ABCA2: variants seen among roughly 807,000 people sequenced by gnomAD.
The protein encoded by ABCA2 is ATP binding cassette subfamily A member 2.
ABCA2 carries 84 observed loss-of-function variants against 262.8 expected under a neutral mutation model. The observed-to-expected ratio is 0.32, with a 90% confidence interval of 0.27 to 0.38. The LOEUF is 0.38. Among genes scored for constraint, ABCA2 ranks in the 10% least tolerant of loss-of-function variants. The pLI is 1.00. For missense variants in ABCA2, 2,662 were observed against 3,405.9 expected, an observed-to-expected ratio of 0.78 and a Z score of 5.44; for synonymous variants, 1,696 against 1,502.9, an observed-to-expected ratio of 1.13 and a Z score of -2.97.
Position 137,016,967 on chromosome 9 carries a change from G to A in ABCA2, c.2711C>T (p.Ala904Val). Residue 904 changes from alanine (A) to valine (V), a missense_variant, in exon 19 of 49, where the codon GCC becomes GTC. Transcript: ENST00000341511. Reference protein sequence around the residue: ...LLAVTMLMVDAVVYGILTWYI... With the variant: ...LLAVTMLMVDVVVYGILTWYI... ...CCACGTGAGGATGCCATAGACCACG[G>A]CGTCCACCATCAGCATGGTGACAGC... 1 of 1,612,744 alleles carries A rather than the reference G, an allele frequency of 6.2e-7. No homozygotes were observed. The highest frequency in any genetic ancestry group is 8.5e-7 in the Non-Finnish European group (1 of 1,179,990).
rs1233870167 is a variant in ABCA2 at position 137,017,305 on chromosome 9, G to A, written c.2444C>T (p.Ser815Leu). Residue 815 changes from serine (S) to leucine (L), a missense_variant, in exon 18 of 49, where the codon TCG becomes TTG. Around this residue, in one of 12 missense-constraint regions of ABCA2, gnomAD observed 188 missense variants for 343.4 expected, o/e 0.55. Coordinates refer to ENST00000341511, the MANE Select transcript of ABCA2 (RefSeq NM_001606.5). Reference sequence around the variant, plus strand: ...GAAGTAGATGATGCCACCGCAGGCCGAGGCCAGCTTGGCCTTGGAGTACAG... The same window carrying A: ...GAAGTAGATGATGCCACCGCAGGCCAAGGCCAGCTTGGCCTTGGAGTACAG... ...SVLYSKAKLA[S>L]ACGGIIYFLS... 2.5e-6 allele frequency: 4 copies of A among 1,612,554 alleles called. No homozygotes were observed. The highest frequency in any genetic ancestry group is 1.1e-5 in the South Asian group (1 of 91,090).
At position 137,009,594 on chromosome 9, in the gene ABCA2, G is replaced by C. The variant is rs202176127; in HGVS notation, c.6681C>G (p.Asn2227Lys). Residue 2227 changes from asparagine to lysine, a missense_variant, in exon 44 of 49, where the codon AAC becomes AAG. Coordinates refer to ENST00000341511, the MANE Select transcript of ABCA2 (RefSeq NM_001606.5). ...CTGTCTTGATGAGGTCAAGGATGAG[G>C]TTCCAGAGGAAGCGCCGGGCCTTGG... Reference protein sequence around the residue: ...MDPKARRFLWNLILDLIKTGR... With the variant: ...MDPKARRFLWKLILDLIKTGR... 1.2e-6 allele frequency: 2 copies of C among 1,612,980 alleles called. No individual in the cohort carries two copies. Among genetic ancestry groups the C allele is most frequent in the Non-Finnish European group, 1.7e-6 (2 of 1,179,916 alleles).
chr9:137,019,153 C>T lies in ABCA2; in HGVS notation c.1554+25G>A. On this transcript the variant is annotated intron_variant, in intron 11 of 48. Transcript: ENST00000341511. This position sits in a 1 kb window ranked among gnomAD's most constrained non-coding sequence, Gnocchi z 4.4. ...GGGCTCCCCACACCACCCACAGCCG[C>T]CTCCCTCGCGGGCACCCTTGGCACC... The T allele has an allele frequency of 6.2e-7, 1 of 1,606,700 alleles. No homozygotes were observed.
chr9:137,024,641 C>T (rs1305484164), intron 1 of ABCA2, among the ~76,000 whole-genome samples: 1 of 152,192 alleles, frequency 6.6e-6, no homozygotes, highest in African/African-American at 2.4e-5. Context: ...CCCACACTGC[C>T]CCGGGTTCAC....
chr9:137,014,127 C>T, intron 27 of ABCA2, 41 bp downstream of exon 27: 1 of 1,593,656 alleles, frequency 6.3e-7, no homozygotes. Context: ...CAACCCTGCT[C>T]CCCCTCCCTT....
In ABCA2 at chr9:137,018,291, C is replaced by A; in HGVS notation, c.1880G>T (p.Arg627Leu). 1.2e-6 allele frequency: 2 copies of A among 1,603,424 alleles called. No homozygotes were observed. The highest frequency in any genetic ancestry group is 1.7e-6 in the Non-Finnish European group (2 of 1,176,460). Residue 627 changes from arginine to leucine, a missense_variant, in exon 14 of 49, where the codon CGC becomes CTC. Physicochemically the swap from Arg to Leu is moderately radical, Grantham distance 102 (BLOSUM62 -2). This residue lies in a region of ABCA2 where 187 missense variants were observed against 205.9 expected (regional missense o/e 0.91). Coordinates refer to ENST00000341511, the MANE Select transcript of ABCA2 (RefSeq NM_001606.5). ...TTTCTCGGTGAAGCTGGAGTTCTGG[C>A]GGATCTTGTAGTGCACGTGAGGCGG... is the stretch of plus-strand genomic sequence containing the variant. ...SLPPHVHYKIRQNSSFTEKTN... is the reference protein window; with the variant it reads ...SLPPHVHYKILQNSSFTEKTN...
At chr9:137,025,640 A>G (rs1831629864) in intron 1 of ABCA2, among the ~76,000 whole-genome samples, 1 of 152,222 alleles carries the variant, frequency 6.6e-6, no homozygotes, top group African/African-American at 2.4e-5. Flanking sequence ...GGGTTCGCCA[A>G]GGCACTGTGG....
chr9:137,008,802 T>C lies in ABCA2; in HGVS notation c.6997A>G (p.Ser2333Gly), dbSNP rs2131424527. 1.2e-6 allele frequency: 2 copies of C among 1,604,904 alleles called. No individual in the cohort carries two copies. The highest frequency in any genetic ancestry group is 8.5e-7 in the Non-Finnish European group (1 of 1,178,532). Reference sequence around the variant, plus strand: ...ACGCCAGACACCTGCTCCATCTTGCTGAACACCTGGGCCAGCGAGATGTGC... The same window carrying C: ...ACGCCAGACACCTGCTCCATCTTGCCGAACACCTGGGCCAGCGAGATGTGC... Reference protein sequence around the residue: ...SEHISLAQVFSKMEQVSGVLG... With the variant: ...SEHISLAQVFGKMEQVSGVLG... The change falls in exon 47 of 49, where the codon AGC becomes GGC. Residue 2333 changes from serine (S) to glycine (G), a missense_variant. Ser to Gly is a moderately conservative substitution (Grantham distance 56). Around this residue, in one of 12 missense-constraint regions of ABCA2, gnomAD observed 212 missense variants for 214.4 expected, o/e 0.99. Coordinates refer to ENST00000341511, the MANE Select transcript of ABCA2 (RefSeq NM_001606.5).
chr9:137,020,279 T>C, intron 10 of ABCA2, 57 bp downstream of exon 10: 1 of 1,600,848 alleles, frequency 6.2e-7, no homozygotes, highest in Non-Finnish European at 8.5e-7. Context: ...GTCCCAGGCC[T>C]GCAGAGACCC....
chr9:137,017,388 G>A (rs775728197), intron 17 of ABCA2, 42 bp from the exon 18 acceptor site: 4 of 1,608,848 alleles, frequency 2.5e-6, no homozygotes, highest in Admixed American at 1.7e-5. Context: ...CCACCCGCAC[G>A]CCCGGCCTCC....
intron 22 of ABCA2, 26 bp downstream of exon 22, chr9:137,015,936 C>T: frequency 2.2e-6 from 1 of 454,722 alleles, no homozygotes; most frequent in Non-Finnish European, 4.0e-6. Flanking sequence ...CGCCCACCTG[C>T]CCCGCCCCCC....
At position 137,019,057 on chromosome 9, in the gene ABCA2, A is replaced by G. The variant is rs1831363840; in HGVS notation, c.1568T>C (p.Leu523Pro). The G allele has an allele frequency of 6.2e-7, 1 of 1,611,088 alleles. No homozygotes were observed. Among genetic ancestry groups the G allele is most frequent in the Non-Finnish European group, 8.5e-7 (1 of 1,178,694 alleles). Reference sequence around the variant, plus strand: ...GTTCAGTGCCTCGGGGTGCAGCCGCAGCTCTGCTACATACTTGGGGTGGAG... The same window carrying G: ...GTTCAGTGCCTCGGGGTGCAGCCGCGGCTCTGCTACATACTTGGGGTGGAG... Reference protein sequence around the residue: ...LRWLQQYVAELRLHPEALNLS... With the variant: ...LRWLQQYVAEPRLHPEALNLS... The change falls in exon 12 of 49, where the codon CTG (leucine) becomes CCG (proline). Residue 523 changes from leucine (L) to proline (P), a missense_variant. By Grantham distance (98) the Leu-to-Pro change is moderately conservative (BLOSUM62 -3). Coordinates refer to ENST00000341511, the MANE Select transcript of ABCA2 (RefSeq NM_001606.5). The surrounding 1 kb of genome is among the most constrained non-coding windows in gnomAD (Gnocchi z 4.4).
Position 137,015,758 on chromosome 9 carries a change from G to A in ABCA2, c.3431C>T (p.Ala1144Val). 1.9e-6 allele frequency: 3 copies of A among 1,612,332 alleles called. No individual in the cohort carries two copies. The highest frequency in any genetic ancestry group is 1.3e-5 in the African/African-American group (1 of 75,054). ...CGCCGTGGGCTCGTCCAGGATGATG[G>A]CGCGAGAGCCGCCCACGAAGGCGAT... ...VAIAFVGGSR[A>V]IILDEPTAGV... The change falls in exon 23 of 49, where the codon GCC (alanine) becomes GTC (valine). Residue 1144 changes from alanine to valine, a missense_variant. By Grantham distance (64) the Ala-to-Val change is moderately conservative. This residue lies in a region of ABCA2 where 180 missense variants were observed against 307.3 expected (regional missense o/e 0.59). Coordinates refer to ENST00000341511, the MANE Select transcript of ABCA2 (RefSeq NM_001606.5).
rs775011038 is a variant in ABCA2 at position 137,019,301 on chromosome 9, G to A, written c.1431C>T (p.Asn477=). ...CGTTGCCCACAAAAGCAAAAGTCTC[G>A]TTGGCCTGCAGGGGGTGAGGCAGGG... ...SEVDRVILKA[N]ETFAFVGNVT... The change falls in exon 11 of 49, where the codon AAC becomes AAT. Residue 477 remains asparagine, a synonymous_variant. Coordinates refer to ENST00000341511, the MANE Select transcript of ABCA2 (RefSeq NM_001606.5). The surrounding 1 kb of genome is among the most constrained non-coding windows in gnomAD (Gnocchi z 4.4). The A allele has an allele frequency of 1.6e-5, 26 of 1,612,410 alleles. No homozygotes were observed. Among genetic ancestry groups the A allele is most frequent in the African/African-American group, 2.7e-5 (2 of 74,884 alleles).
Position 137,022,799 on chromosome 9 carries a change from C to G in ABCA2, c.342G>C (p.Arg114=). ...VEEGNLFDPA[R]PSLGSELEAL... ...CCTCGAGCTCTGAGCCCAGGCTGGG[C>G]CGCGCTGGGTCAAACAGGTTGCCTT... Residue 114 remains arginine (R), a synonymous_variant, in exon 5 of 49, where the codon CGG becomes CGC. Coordinates refer to ENST00000341511, the MANE Select transcript of ABCA2 (RefSeq NM_001606.5). 1 of 1,593,962 alleles carries G rather than the reference C, an allele frequency of 6.3e-7. No homozygotes were observed. The highest frequency in any genetic ancestry group is 8.5e-7 in the Non-Finnish European group (1 of 1,171,758).
chr9:137,017,407 C>A, intron 17 of ABCA2, 61 bp from the exon 18 acceptor site: 2 of 1,605,598 alleles, frequency 1.2e-6, no homozygotes, highest in Non-Finnish European at 1.7e-6. Context: ...CCTGGGCAGG[C>A]CCGTGCCAGG....
At chr9:137,008,095 C>T in intron 48 of ABCA2, 131 bp from the exon 49 acceptor site, 1 of 1,195,716 alleles carries the variant, frequency 8.4e-7, no homozygotes, top group Admixed American at 2.3e-5. Context: ...CACGAGCTCC[C>T]TCTGTGTCTG....
chr9:137,015,573 G>C lies in ABCA2; in HGVS notation c.3538C>G (p.His1180Asp). 6.2e-7 allele frequency: 1 copy of C among 1,612,538 alleles called. No individual in the cohort carries two copies. Among genetic ancestry groups the C allele is most frequent in the Non-Finnish European group, 8.5e-7 (1 of 1,179,790 alleles). Reference sequence around the variant, plus strand: ...AGCAGGTCAGCCTCATCCATGTGGTGGGTGGACAGAAGGATGGTGCGGCCT... The same window carrying C: ...AGCAGGTCAGCCTCATCCATGTGGTCGGTGGACAGAAGGATGGTGCGGCCT... ...KPGRTILLSTHHMDEADLLGD... is the reference protein window; with the variant it reads ...KPGRTILLSTDHMDEADLLGD... The change falls in exon 24 of 49, where the codon CAC becomes GAC. Residue 1180 changes from histidine (H) to aspartate (D), a missense_variant. By Grantham distance (81) the His-to-Asp change is moderately conservative (BLOSUM62 -1). Coordinates refer to ENST00000341511, the MANE Select transcript of ABCA2 (RefSeq NM_001606.5).
At chr9:137,015,933 C>CGGGGGGGGGGGGGGGGGGGGGGGGG in intron 22 of ABCA2, 29 bp downstream of exon 22, 9 of 1,500,292 alleles carry the variant, frequency 6.0e-6, no homozygotes, top group South Asian at 1.2e-5. Flanking sequence ...CTCCGCCCAC[C>CGGGGGGGGGGGGGGGGGGGGGGGGG]TGCCCCGCCC....
Sources: gnomAD v4.1 joint callset for allele counts (sites outside exome capture counted in the v4.1 genomes callset) on GRCh38, gnomAD v4.1.1 for gene constraint, gnomAD v4.1.1 regional missense constraint, Gnocchi (gnomAD v3.1) non-coding constraint, MANE v1.5 for transcripts, NCBI Gene and HGNC (gene_info 2026-07-23, HGNC 2026-07-21) for gene names.